Variants in MYO10 observed in about 807,000 individuals in gnomAD.
MYO10 encodes unconventional myosin-X.
In MYO10, 133 loss-of-function variants were observed where a neutral mutation model predicts 257.3. The observed-to-expected ratio is 0.52, with a 90% CI of 0.45 to 0.60. The LOEUF (loss-of-function observed/expected upper bound fraction) is 0.60, where lower values mean the gene tolerates loss of function less well. MYO10 is among the 20% of genes least tolerant of loss of function. The pLI is 0.00. For synonymous variants in MYO10, 1,104 were observed against 1,028.6 expected, an observed-to-expected ratio of 1.07 and a Z score of -1.40; for missense variants, 2,399 against 2,635.7, an observed-to-expected ratio of 0.91 and a Z score of 1.97.
intron 22 of MYO10, 24 bp from the exon 23 acceptor site, chr5:16,703,182 A>C: frequency 6.5e-7 from 1 of 1,550,028 alleles, no homozygotes; most frequent in Non-Finnish European, 8.8e-7. Flanking sequence ...AAAACAAGAG[A>C]ATCGGCATTG....
At chr5:16,697,367 G>A (rs543708654) in intron 26 of MYO10, among the ~76,000 whole-genome samples, 2 of 152,260 alleles carry the variant, frequency 1.3e-5, no homozygotes, top group Admixed American at 1.3e-4. Context: ...GAAGCTAACA[G>A]AAAAGAGAAG....
At chr5:16,854,876 AC>A (rs1375150556) in intron 2 of MYO10, among the ~76,000 whole-genome samples, 1 of 152,036 alleles carries the variant, frequency 6.6e-6, no homozygotes, top group East Asian at 1.9e-4. Context: ...TACTAAAAAT[AC>A]AAAAATTAGC....
At position 16,763,598 on chromosome 5, in the gene MYO10, C is replaced by T. The variant is rs113360164; in HGVS notation, c.1428-51G>A. 1.1e-4 allele frequency: 173 copies of T among 1,578,360 alleles called. No individual in the cohort carries two copies. In the African/African-American group the frequency reaches 1.9e-3, roughly 17 times the overall value. ...GTTAAATGAAAACATAGCTTCAAAA[C>T]GAATCTAGTTGCTGCTTTAAAAAAA... is the stretch of plus-strand genomic sequence containing the variant. On this transcript the variant is annotated intron_variant, in intron 13 of 40. Transcript: ENST00000513610.
intron 1 of MYO10, among the ~76,000 whole-genome samples, chr5:16,912,802 G>GCACA (rs70943817): frequency 0.2 from 22,659 of 111,424 alleles, 2,831 homozygotes; most frequent in Admixed American, 0.26. Flanking sequence ...CTACCACCCT[G>GCACA]CACACACACA....
intron 1 of MYO10, among the ~76,000 whole-genome samples, chr5:16,888,017 C>A (rs1185936773): frequency 1.3e-5 from 2 of 152,162 alleles, no homozygotes; most frequent in Admixed American, 6.5e-5. Context: ...AGTTAACCAT[C>A]ATTATGTAGC....
chr5:16,897,530 G>C (rs1453941836), intron 1 of MYO10, among the ~76,000 whole-genome samples: 1 of 152,196 alleles, frequency 6.6e-6, no homozygotes, highest in African/African-American at 2.4e-5. Context: ...CTTCCTTGCA[G>C]ACTTCTACAG....
At chr5:16,801,828 C>A (rs1408927913) in intron 3 of MYO10, among the ~76,000 whole-genome samples, 2 of 151,980 alleles carry the variant, frequency 1.3e-5, no homozygotes, top group Non-Finnish European at 2.9e-5. Flanking sequence ...ACTTTTTATA[C>A]CATGTATAAA....
intron 33 of MYO10, among the ~76,000 whole-genome samples, chr5:16,678,644 G>C (rs951706836): frequency 6.6e-6 from 1 of 152,190 alleles, no homozygotes; most frequent in African/African-American, 2.4e-5. Flanking sequence ...TAAACACCCA[G>C]AGAACATACC....
chr5:16,919,264 G>A (rs1486768148), intron 1 of MYO10, among the ~76,000 whole-genome samples: 2 of 152,106 alleles, frequency 1.3e-5, no homozygotes, highest in Admixed American at 1.3e-4. Context: ...TGTAATTCGA[G>A]CTATTCAGGA....
At chr5:16,893,633 CAAAAAAAAAA>C in intron 1 of MYO10, among the ~76,000 whole-genome samples, 1 of 57,256 alleles carries the variant, frequency 1.7e-5, no homozygotes, top group South Asian at 6.1e-4. Flanking sequence ...GACTCTGTCT[CAAAAAAAAAA>C]AAAAAAAAAG....
In MYO10 at chr5:16,701,184, A is replaced by G. The variant is rs1738039119; in HGVS notation, c.3211T>C (p.Ser1071Pro). ...GSLHNSSSGE[S>P]TYCMPQNAGD... ...GCGTTCTGGGGCATGCAGTAGGTGG[A>G]CTCGCCGCTGGAGGAGTTGTGTAGG... is the stretch of plus-strand genomic sequence containing the variant. Residue 1071 changes from serine (S) to proline (P), a missense_variant, in exon 25 of 41, where the codon TCC becomes CCC. By Grantham distance (74) the Ser-to-Pro change is moderately conservative. Around this residue, in one of 3 missense-constraint regions of MYO10, gnomAD observed 1,820 missense variants for 1,939.4 expected, o/e 0.94. Transcript: ENST00000513610. This position sits in a 1 kb window ranked among gnomAD's most constrained non-coding sequence, Gnocchi z 8.1. 1 of 1,607,938 alleles carries G rather than the reference A, an allele frequency of 6.2e-7. No homozygotes were observed. Among genetic ancestry groups the G allele is most frequent in the Non-Finnish European group, 8.5e-7 (1 of 1,177,304 alleles).
chr5:16,804,738 A>T (rs1580008879), intron 3 of MYO10, among the ~76,000 whole-genome samples: 1 of 152,070 alleles, frequency 6.6e-6, no homozygotes, highest in African/African-American at 2.4e-5. Context: ...AATGTGGCGA[A>T]ACCCCATCTC....
intron 3 of MYO10, among the ~76,000 whole-genome samples, chr5:16,801,703 T>C (rs1016471230): frequency 2.0e-5 from 3 of 152,210 alleles, no homozygotes; most frequent in Non-Finnish European, 4.4e-5. Flanking sequence ...AAGATACATA[T>C]GTTCATAACA....
chr5:16,935,779 C>G lies in MYO10; in HGVS notation c.21+9G>C, dbSNP rs1416187744. The G allele has an allele frequency of 6.8e-6, 11 of 1,613,326 alleles. No homozygotes were observed. The Admixed American group carries it at 1.8e-4, about 27-fold the overall frequency. Reference sequence around the variant, plus strand: ...TCCGGAGGCCAGGTCGGACTGGGAGCGCACTTACCTCGGTGAAGAAGTTAT... The same window carrying G: ...TCCGGAGGCCAGGTCGGACTGGGAGGGCACTTACCTCGGTGAAGAAGTTAT... On this transcript the variant is annotated intron_variant, in intron 1 of 40. Transcript: ENST00000513610.
chr5:16,921,107 T>TG (rs1186727048), intron 1 of MYO10, among the ~76,000 whole-genome samples: 3 of 147,100 alleles, frequency 2.0e-5, no homozygotes, highest in African/African-American at 7.9e-5. Flanking sequence ...GACAGAGCGA[T>TG]ACTCCATCTC....
rs1736163844 is a variant in MYO10, at chr5:16,666,291, G to C, written c.*401C>G. On this transcript the variant is annotated 3_prime_UTR_variant, in exon 41 of 41. Coordinates refer to ENST00000513610, the MANE Select transcript of MYO10 (RefSeq NM_012334.3). ...GGGAGGTTAGTGCATCATTGACAGA[G>C]AATGCCCCCCTTCCACGCTCTGTTA... 1 of 165,244 alleles carries C rather than the reference G, an allele frequency of 6.1e-6. No individual in the cohort carries two copies. Among genetic ancestry groups the C allele is most frequent in the African/African-American group, 2.4e-5 (1 of 41,970 alleles). The allele number at this position is 165,244 out of a possible 1,614,324, so 10.2% of individuals were successfully genotyped here. A position where few individuals can be genotyped will look rare whatever the true frequency, so the allele number is the denominator to read the frequency against.
intron 1 of MYO10, among the ~76,000 whole-genome samples, chr5:16,911,920 C>T (rs892971226): frequency 1.3e-5 from 2 of 152,084 alleles, no homozygotes; most frequent in African/African-American, 2.4e-5. Flanking sequence ...CACCTGTAAT[C>T]CCAGCTACTT....
At chr5:16,918,661 T>C (rs970177037) in intron 1 of MYO10, among the ~76,000 whole-genome samples, 6 of 151,980 alleles carry the variant, frequency 3.9e-5, no homozygotes, top group Middle Eastern at 3.4e-3. Flanking sequence ...CCATCACGCC[T>C]GGCTAATTTT....
chr5:16,786,871 A>T (rs150065641), intron 4 of MYO10, among the ~76,000 whole-genome samples: 3 of 63,510 alleles, frequency 4.7e-5, no homozygotes, highest in Admixed American at 2.6e-4. Context: ...ATTTTTATTT[A>T]AAAAAAAAAA....
Sources: allele counts gnomAD v4.1 joint callset (sites outside exome capture counted in the v4.1 genomes callset), GRCh38; gene constraint gnomAD v4.1.1; regional missense constraint gnomAD v4.1.1; non-coding constraint Gnocchi (gnomAD v3.1); transcripts MANE v1.5; gene names NCBI Gene and HGNC (gene_info 2026-07-23, HGNC 2026-07-21).